Variants in SERPINA12 observed in about 807,000 individuals in gnomAD.
SERPINA12 encodes the protein serpin A12.
In SERPINA12, 21 loss-of-function variants were observed where a neutral mutation model predicts 25.9. The ratio of observed to expected loss-of-function variants is 0.81; its 90% CI spans 0.58 to 1.17. SERPINA12 has a LOEUF of 1.17. Ranked by LOEUF, SERPINA12 falls within the 50% of genes most tolerant of loss-of-function variation. SERPINA12 has a pLI of 0.00. For missense variants in SERPINA12, 562 were observed against 508.3 expected (o/e 1.11, Z -1.02); for synonymous variants, 220 against 196.0 (o/e 1.12, Z -1.02).
chr14:94,516,334 C>G (rs773453122), intron 1 of SERPINA12, among the ~76,000 whole-genome samples: 2 of 152,144 alleles, frequency 1.3e-5, no homozygotes, highest in African/African-American at 2.4e-5. Context: ...CAGAATGAGG[C>G]CTGGTCAAAG....
chr14:94,510,070 C>G (rs1349954504), upstream of SERPINA12: 1 of 985,296 alleles, frequency 1.0e-6, no homozygotes, highest in Non-Finnish European at 1.2e-6. Context: ...AGGGCCTGGG[C>G]CTGTGGTCTG....
At chr14:94,506,160 G>A (rs1227336611) in intron 1 of SERPINA12, among the ~76,000 whole-genome samples, 1 of 152,202 alleles carries the variant, frequency 6.6e-6, no homozygotes, top group Non-Finnish European at 1.5e-5. Flanking sequence ...ATTGTTATAA[G>A]TTAATGGGCC....
intron 1 of SERPINA12, chr14:94,503,290 C>T: frequency 1.0e-6 from 1 of 985,310 alleles, no homozygotes; most frequent in Non-Finnish European, 1.2e-6. Flanking sequence ...CTCCTCCTTT[C>T]TGGAAAACAA....
chr14:94,517,394 C>T (rs1280116300), intron 1 of SERPINA12: 2 of 152,262 alleles, frequency 1.3e-5, no homozygotes, highest in African/African-American at 4.8e-5. Flanking sequence ...TCTATAACTT[C>T]ACTCACCTTA....
chr14:94,508,007 T>G (rs1020657751), intron 1 of SERPINA12, among the ~76,000 whole-genome samples: 5 of 152,354 alleles, frequency 3.3e-5, no homozygotes, highest in Middle Eastern at 3.4e-3. Context: ...AGATCATACT[T>G]TGCATTTCCC....
upstream of SERPINA12, among the ~76,000 whole-genome samples, chr14:94,513,736 A>G (rs1901164554): frequency 6.6e-6 from 1 of 152,202 alleles, no homozygotes; most frequent in African/African-American, 2.4e-5. Flanking sequence ...TTAAAAAATT[A>G]CTGGGTGCTC....
At chr14:94,490,904 C>T (rs532003311) in intron 3 of SERPINA12, among the ~76,000 whole-genome samples, 2 of 152,296 alleles carry the variant, frequency 1.3e-5, no homozygotes, top group South Asian at 2.1e-4. Flanking sequence ...CTGCCCCTGT[C>T]GGGCTCCACC....
At chr14:94,496,331 C>T in intron 3 of SERPINA12, 42 bp downstream of exon 3, 1 of 1,609,036 alleles carries the variant, frequency 6.2e-7, no homozygotes, top group East Asian at 2.2e-5. Context: ...AGAGGGAAGA[C>T]AAGAGAAGGA....
upstream of SERPINA12, chr14:94,510,215 A>G: frequency 5.1e-6 from 5 of 985,422 alleles, no homozygotes; most frequent in Non-Finnish European, 6.0e-6. Context: ...AGAGAGCCAA[A>G]CTATTGGAAG....
At chr14:94,506,327 C>T (rs903520706) in intron 1 of SERPINA12, among the ~76,000 whole-genome samples, 1 of 152,168 alleles carries the variant, frequency 6.6e-6, no homozygotes, top group Non-Finnish European at 1.5e-5. Flanking sequence ...CACACCCTAA[C>T]TCCAAGAGCT....
Position 94,498,206 on chromosome 14 carries a change from G to A in SERPINA12, c.192C>T (p.Ala64=). 6.2e-7 allele frequency: 1 copy of A among 1,614,226 alleles called. No individual in the cohort carries two copies. The highest frequency in any genetic ancestry group is 8.5e-7 in the Non-Finnish European group (1 of 1,180,040). The change falls in exon 2 of 5, where the codon GCC becomes GCT. Residue 64 remains alanine, a synonymous_variant. Coordinates refer to ENST00000677451, the MANE Select transcript of SERPINA12 (RefSeq NM_001382267.1). The part of the protein sequence containing the change: ...DLGFKLLKKL[A]FYNPGRNIFL... Reference sequence around the variant, plus strand: ...AGATGTTCCTGCCAGGGTTGTAAAAGGCCAGCTTCTTGAGCAGCTTAAAGC... The same window carrying A: ...AGATGTTCCTGCCAGGGTTGTAAAAAGCCAGCTTCTTGAGCAGCTTAAAGC...
chr14:94,510,513 T>G (rs1901081284), upstream of SERPINA12, among the ~76,000 whole-genome samples: 1 of 152,242 alleles, frequency 6.6e-6, no homozygotes, highest in African/African-American at 2.4e-5. Flanking sequence ...CTGGTGGGAA[T>G]GTAAATTACT....
chr14:94,497,684 A>G, intron 2 of SERPINA12, 80 bp downstream of exon 2: 1 of 1,365,828 alleles, frequency 7.3e-7, no homozygotes, highest in Non-Finnish European at 1.0e-6. Context: ...TCACAGAGTA[A>G]ACAAGTGGCC....
intron 3 of SERPINA12, among the ~76,000 whole-genome samples, chr14:94,495,386 G>T (rs1487429614): frequency 6.6e-6 from 1 of 152,118 alleles, no homozygotes; most frequent in African/African-American, 2.4e-5. Flanking sequence ...CCTTTCTTAA[G>T]TCTGCAGCTC....
chr14:94,503,518 T>G (rs1404643376), intron 1 of SERPINA12: 1 of 157,940 alleles, frequency 6.3e-6, no homozygotes, highest in Non-Finnish European at 1.4e-5. Context: ...GCTGTTTGCC[T>G]GACCTGGTCC....
chr14:94,506,738 C>A (rs188644247), intron 1 of SERPINA12, among the ~76,000 whole-genome samples: 1 of 152,294 alleles, frequency 6.6e-6, no homozygotes, highest in East Asian at 1.9e-4. Flanking sequence ...GAACATTCCT[C>A]TAGAGATTTT....
At chr14:94,489,511 C>T (rs887701474) in intron 4 of SERPINA12, 109 bp downstream of exon 4, 2 of 1,306,874 alleles carry the variant, frequency 1.5e-6, no homozygotes, top group African/African-American at 1.5e-5. Context: ...CCCGCCCCGA[C>T]TGGTGGGTGG....
In SERPINA12 at chr14:94,515,201, T is replaced by G. The variant is rs187936678; in HGVS notation, c.-18+619A>C. The stretch of plus-strand genomic sequence containing the variant: ...GACGTGTTTCTGTGGGAGAGGCTGA[T>G]GATTGGGAGTGACAAGCCATAGACT... On this transcript the variant is annotated intron_variant, in intron 2 of 5. Transcript: ENST00000341228. 6.6e-5 allele frequency among the ~76,000 whole-genome samples: 10 copies of G among 152,154 alleles called. No homozygotes were observed. The East Asian group carries it at 1.9e-3, about 30-fold the overall frequency.
At chr14:94,500,956 A>G (rs1900690976) in intron 1 of SERPINA12, 1 of 983,192 alleles carries the variant, frequency 1.0e-6, no homozygotes, top group African/African-American at 1.7e-5. Flanking sequence ...GCTGTGTGAC[A>G]TTCCAGAAAG....
Sources: allele counts gnomAD v4.1 joint callset (sites outside exome capture counted in the v4.1 genomes callset), GRCh38; gene constraint gnomAD v4.1.1; transcripts MANE v1.5; gene names NCBI Gene and HGNC (gene_info 2026-07-23, HGNC 2026-07-21).